ATG2B: variants seen among roughly 807,000 people sequenced by gnomAD.
The protein encoded by ATG2B is autophagy-related protein 2 homolog B.
Under a neutral mutation model 241.3 loss-of-function variants are expected in ATG2B, and 121 were observed. The ratio of observed to expected loss-of-function variants is 0.50; its 90% CI spans 0.43 to 0.58. The LOEUF is 0.58. Among genes scored for constraint, ATG2B ranks in the 20% least tolerant of loss-of-function variants. The pLI, the probability that ATG2B is intolerant of heterozygous loss-of-function variation, is 0.00. For missense variants in ATG2B, 2,306 were observed against 2,491.6 expected (o/e 0.93, Z 1.59); for synonymous variants, 858 against 876.6 (o/e 0.98, Z 0.37).
At chr14:96,287,273 ACG>A (rs1886363477) in intron 41 of ATG2B, among the ~76,000 whole-genome samples, 14 of 149,744 alleles carry the variant, frequency 9.3e-5, no homozygotes, top group South Asian at 2.1e-4. Flanking sequence ...AAAAAAAAAA[ACG>A]TGTCCAGAAA....
Position 96,282,225 on chromosome 14 carries a change from T to G in ATG2B, c.*3530A>C, listed in dbSNP as rs1156932768. 6.6e-6 allele frequency: 1 copy of G among 152,220 alleles called. No individual in the cohort carries two copies. The highest frequency in any genetic ancestry group is 1.5e-5 in the Non-Finnish European group (1 of 68,032). 9.4% of individuals were successfully genotyped at this position (152,220 alleles called of 1,614,324 possible). A position where few individuals can be genotyped will look rare whatever the true frequency, so the allele number is the denominator to read the frequency against. On this transcript the variant is annotated 3_prime_UTR_variant, in exon 42 of 42. Coordinates refer to ENST00000359933, the MANE Select transcript of ATG2B (RefSeq NM_018036.7). ...CCTTTTTAACCTAAGACTCAAACAT[T>G]TATATTTGATTTTATTCTATTTGAT...
rs1887042436 is a variant in ATG2B at position 96,308,266 on chromosome 14, ATATATATATATATATATTTT to A, written c.4303+1167_4303+1186del. ...TATATATATATACACACATATATAT[ATATATATATATATATATTTT>A]TTTTTTTTTTTTTTTTGAGACAGAA... is the stretch of plus-strand genomic sequence containing the variant. On this transcript the variant is annotated intron_variant, in intron 29 of 41. Coordinates refer to ENST00000359933, the MANE Select transcript of ATG2B (RefSeq NM_018036.7). Among the ~76,000 whole-genome samples the A allele has an allele frequency of 8.4e-4, 13 of 15,544 alleles. 1 individual carries two copies. Among genetic ancestry groups the A allele is most frequent in the African/African-American group, 3.2e-3 (12 of 3,784 alleles). The allele number at this position is 15,544 out of a possible 152,430, so 10.2% of individuals were successfully genotyped here.
rs1886461941 is a variant in ATG2B at position 96,290,747 on chromosome 14, C to A, written c.5701+67G>T. The stretch of plus-strand genomic sequence containing the variant: ...GACTAATGGTCCTCACATAAGTTCT[C>A]AAAGGGATAAGAATTACTCATCTGA... On this transcript the variant is annotated intron_variant, in intron 39 of 41. Coordinates refer to ENST00000359933, the MANE Select transcript of ATG2B (RefSeq NM_018036.7). The surrounding 1 kb of genome is among the most constrained non-coding windows in gnomAD (Gnocchi z 4.4). The A allele has an allele frequency of 3.2e-6, 5 of 1,568,464 alleles. No individual in the cohort carries two copies. The highest frequency in any genetic ancestry group is 1.2e-5 in the South Asian group (1 of 84,380).
chr14:96,293,148 C>T (rs1032057210), intron 36 of ATG2B: 4 of 152,106 alleles, frequency 2.6e-5, no homozygotes, highest in African/African-American at 7.2e-5. Context: ...GAACTTGAAA[C>T]ACAGTTTTCC....
At position 96,361,498 on chromosome 14, in the gene ATG2B, A is replaced by G. The variant is rs144036509; in HGVS notation, c.162+1317T>C. 5.4e-3 allele frequency among the ~76,000 whole-genome samples: 817 copies of G among 152,270 alleles called. 27 individuals carry two copies. The South Asian group carries it at 0.067, about 12-fold the overall frequency. ...AATAAATCCTGAACCCTCTTTTTTC[A>G]AGATAACCTATTCATAACTGTATCA... On this transcript the variant is annotated intron_variant, in intron 1 of 41. Coordinates refer to ENST00000359933, the MANE Select transcript of ATG2B (RefSeq NM_018036.7).
chr14:96,362,857 G>C lies in ATG2B; in HGVS notation c.120C>G (p.Tyr40Ter), dbSNP rs1216543566. 2 of 1,612,808 alleles carry C rather than the reference G, an allele frequency of 1.2e-6. No individual in the cohort carries two copies. Among genetic ancestry groups the C allele is most frequent in the Non-Finnish European group, 8.5e-7 (1 of 1,179,710 alleles). The change falls in exon 1 of 42, where the codon TAC becomes TAG. Residue 40 changes from tyrosine (Y) to a stop codon, truncating the protein, a stop_gained. Transcript: ENST00000359933. LOFTEE classifies it high-confidence loss of function. ...LSLEQLSLDL[Y>*]QGTGSLAQVP... ...CCTGGGCGAGGGACCCGGTGCCTTG[G>C]TACAGGTCCAGGCTGAGCTGCTCCA...
At chr14:96,291,531 A>C (rs151085303) in intron 38 of ATG2B, 69 bp downstream of exon 38, 177 of 1,195,050 alleles carry the variant, frequency 1.5e-4, no homozygotes, top group Non-Finnish European at 2.0e-4. Flanking sequence ...AAGAAAACTC[A>C]GTTTTTAAAT....
intron 14 of ATG2B, among the ~76,000 whole-genome samples, chr14:96,327,258 AATAAT>A: frequency 6.6e-6 from 1 of 151,226 alleles, no homozygotes. Context: ...TAATAATAAT[AATAAT>A]AAACAATGCT....
At chr14:96,311,798 TA>T (rs2139859461) in intron 26 of ATG2B, among the ~76,000 whole-genome samples, 180 bp from the exon 27 acceptor site, 1 of 152,300 alleles carries the variant, frequency 6.6e-6, no homozygotes, top group African/African-American at 2.4e-5. Context: ...TATTTTTTGT[TA>T]GAAACAAAAA....
In ATG2B at chr14:96,347,343, T is replaced by C; in HGVS notation, c.163-2A>G. ...TGACTCCAAGATCTCATTGAGACAC[T>C]AAGGAGAAAAAACAGGTTCATTATG... On this transcript the variant is annotated splice_acceptor_variant, in intron 1 of 41. Transcript: ENST00000359933. LOFTEE classifies it high-confidence loss of function. 6.5e-7 allele frequency: 1 copy of C among 1,548,222 alleles called. No individual in the cohort carries two copies. The highest frequency in any genetic ancestry group is 1.2e-5 in the South Asian group (1 of 84,158).
chr14:96,331,527 G>T lies in ATG2B; in HGVS notation c.1579C>A (p.Pro527Thr). 6.2e-7 allele frequency: 1 copy of T among 1,614,092 alleles called. No homozygotes were observed. Among genetic ancestry groups the T allele is most frequent in the Non-Finnish European group, 8.5e-7 (1 of 1,179,990 alleles). Residue 527 changes from proline (P) to threonine (T), a missense_variant, in exon 11 of 42, where the codon CCT becomes ACT. Coordinates refer to ENST00000359933, the MANE Select transcript of ATG2B (RefSeq NM_018036.7). ...GGATTAAGGTTCTGTGACGTTTCAG[G>T]TGGAGATAAAGGATCAATGTGAAGC... Reference protein sequence around the residue: ...SVLHIDPLSPPETSQNLNPLT... With the variant: ...SVLHIDPLSPTETSQNLNPLT...
intron 33 of ATG2B, among the ~76,000 whole-genome samples, chr14:96,302,573 T>TG (rs896071332): frequency 3.0e-5 from 4 of 132,600 alleles, no homozygotes; most frequent in East Asian, 2.0e-4. Context: ...GAGACACTGT[T>TG]GGGGGGAAAA....
chr14:96,334,262 A>C, intron 7 of ATG2B, 143 bp downstream of exon 7: 1 of 609,436 alleles, frequency 1.6e-6, no homozygotes, highest in South Asian at 2.3e-5. Flanking sequence ...ATCAAATTTT[A>C]CTACTTAACA....
rs558487128 is a variant in ATG2B at position 96,283,540 on chromosome 14, A to G, written c.*2215T>C. On this transcript the variant is annotated 3_prime_UTR_variant, in exon 42 of 42. Coordinates refer to ENST00000359933, the MANE Select transcript of ATG2B (RefSeq NM_018036.7). ...TGGGCTTTGTCGTAAAAAACCCTCC[A>G]TTTACCAGGAGGGATGCTGAGGCTT... 6.6e-6 allele frequency: 1 copy of G among 152,184 alleles called. No homozygotes were observed. Among genetic ancestry groups the G allele is most frequent in the South Asian group, 2.1e-4 (1 of 4,814 alleles). The allele number at this position is 152,184 out of a possible 1,614,324, so 9.4% of individuals were successfully genotyped here.
chr14:96,301,286 T>G (rs1482330008), intron 34 of ATG2B, among the ~76,000 whole-genome samples: 6 of 142,430 alleles, frequency 4.2e-5, no homozygotes, highest in South Asian at 4.6e-4. Flanking sequence ...AGATGTTCAG[T>G]AACTTACCCG....
chr14:96,292,223 T>A lies in ATG2B; in HGVS notation c.5427-125A>T, dbSNP rs546217046. Reference sequence around the variant, plus strand: ...CACAAAATAAATCATATAAATATCTTAAGAACTAAATAAAAGAGAATGTCT... The same window carrying A: ...CACAAAATAAATCATATAAATATCTAAAGAACTAAATAAAAGAGAATGTCT... On this transcript the variant is annotated intron_variant, in intron 36 of 41. Transcript: ENST00000359933. The A allele has an allele frequency of 4.0e-4, 223 of 556,048 alleles. 2 individuals are homozygous for A. Among genetic ancestry groups the A allele is most frequent in the South Asian group, 2.6e-3 (94 of 35,910 alleles). 34.4% of individuals were successfully genotyped at this position (556,048 alleles called of 1,614,324 possible).
chr14:96,317,401 C>T (rs1271929119), intron 19 of ATG2B, 84 bp from the exon 20 acceptor site: 1 of 1,199,332 alleles, frequency 8.3e-7, no homozygotes, highest in Non-Finnish European at 1.2e-6. Flanking sequence ...TTTTATATAA[C>T]CTGCTTAGTT....
At chr14:96,318,626 CGA>C (rs981312293) in intron 18 of ATG2B, among the ~76,000 whole-genome samples, 2 of 152,064 alleles carry the variant, frequency 1.3e-5, no homozygotes, top group African/African-American at 4.8e-5. Context: ...TTATGACTAG[CGA>C]GACTAGCCCA....
intron 23 of ATG2B, among the ~76,000 whole-genome samples, chr14:96,313,916 A>G (rs918709263): frequency 6.6e-6 from 1 of 152,140 alleles, no homozygotes; most frequent in African/African-American, 2.4e-5. Context: ...AAAACTATCA[A>G]TCTGGCTTCT....
Sources: allele counts gnomAD v4.1 joint callset (sites outside exome capture counted in the v4.1 genomes callset), GRCh38; gene constraint gnomAD v4.1.1; non-coding constraint Gnocchi (gnomAD v3.1); transcripts MANE v1.5; gene names NCBI Gene and HGNC (gene_info 2026-07-23, HGNC 2026-07-21).